Variants in ZKSCAN2 observed in about 807,000 individuals in gnomAD.
ZKSCAN2 encodes the protein zinc finger protein with KRAB and SCAN domains 2.
A neutral mutation model predicts 90.5 loss-of-function variants in ZKSCAN2; 38 were observed. The observed-to-expected ratio is 0.42, with a 90% CI of 0.32 to 0.55. The LOEUF (loss-of-function observed/expected upper bound fraction) is 0.55, where lower values mean the gene tolerates loss of function less well. Ranked by LOEUF, ZKSCAN2 falls within the 20% of genes least tolerant of loss-of-function variation. The probability of loss-of-function intolerance (pLI) is 0.11; values close to 1 mark genes in which losing one functional copy is unlikely to be tolerated. For synonymous variants in ZKSCAN2, 429 were observed against 421.6 expected, an observed-to-expected ratio of 1.02 and a Z score of -0.22; for missense variants, 1,167 against 1,202.6, an observed-to-expected ratio of 0.97 and a Z score of 0.44.
chr16:25,236,680 T>C lies in ZKSCAN2; in HGVS notation c.*3136A>G, dbSNP rs1329574555. ...ACCAAGGCCAGGCTGCCCTGAGCCA[T>C]TTACGTGTGAGGTTTCCCTTTTTAA... On this transcript the variant is annotated 3_prime_UTR_variant, in exon 7 of 7. Coordinates refer to ENST00000328086, the MANE Select transcript of ZKSCAN2 (RefSeq NM_001012981.5). 1 of 152,182 alleles carries C rather than the reference T, an allele frequency of 6.6e-6. No homozygotes were observed. Among genetic ancestry groups the C allele is most frequent in the Non-Finnish European group, 1.5e-5 (1 of 68,032 alleles). 9.4% of individuals were successfully genotyped at this position (152,182 alleles called of 1,614,324 possible). A position where few individuals can be genotyped will look rare whatever the true frequency, so the allele number is the denominator to read the frequency against.
At chr16:25,249,970 A>C (rs753804363) in intron 4 of ZKSCAN2, among the ~76,000 whole-genome samples, 1 of 152,196 alleles carries the variant, frequency 6.6e-6, no homozygotes, top group Non-Finnish European at 1.5e-5. Context: ...AATATTGAAA[A>C]TGTGAAAATA....
Position 25,236,158 on chromosome 16 carries a change from A to C in ZKSCAN2, c.*3658T>G, listed in dbSNP as rs1457058514. 1 of 152,248 alleles carries C rather than the reference A, an allele frequency of 6.6e-6. No individual in the cohort carries two copies. Among genetic ancestry groups the C allele is most frequent in the African/African-American group, 2.4e-5 (1 of 41,458 alleles). 9.4% of individuals were successfully genotyped at this position (152,248 alleles called of 1,614,324 possible). ...TTCAGAGGCAGAGGCTTCCAGTTTC[A>C]CAAGTTACTCAGACATTCCTTTAGC... On this transcript the variant is annotated 3_prime_UTR_variant, in exon 7 of 7. Transcript: ENST00000328086.
At chr16:25,256,075 A>G (rs950996648) in intron 1 of ZKSCAN2, among the ~76,000 whole-genome samples, 2 of 152,178 alleles carry the variant, frequency 1.3e-5, no homozygotes, top group African/African-American at 4.8e-5. Context: ...TCCCTGACCA[A>G]TACAGCAACC....
Position 25,246,783 on chromosome 16 carries a change from A to G in ZKSCAN2, c.1413T>C (p.Asp471=). The G allele has an allele frequency of 6.2e-7, 1 of 1,614,198 alleles. No individual in the cohort carries two copies. Among genetic ancestry groups the G allele is most frequent in the Non-Finnish European group, 8.5e-7 (1 of 1,180,036 alleles). The stretch of plus-strand genomic sequence containing the variant: ...TAAATTCGATGCCTATTTCATCATC[A>G]TCAGAATCTTCTGCAGCTTCCTCCT... ...VEEEEAAEDS[D]DDEIGIEFIR... is the part of the protein sequence containing the mutation. The change falls in exon 5 of 7, where the codon GAT becomes GAC. Residue 471 remains aspartate (D), a synonymous_variant. Transcript: ENST00000328086.
intron 6 of ZKSCAN2, 122 bp downstream of exon 6, chr16:25,243,663 C>T (rs1962886350): frequency 8.1e-7 from 1 of 1,228,528 alleles, no homozygotes; most frequent in Admixed American, 2.3e-5. Flanking sequence ...TCAAGTAGCA[C>T]AGGCACTCAA....
In ZKSCAN2 at chr16:25,239,761, A is replaced by G. The variant is rs112185659; in HGVS notation, c.*55T>C. The G allele has an allele frequency of 2.8e-6, 4 of 1,439,170 alleles. No homozygotes were observed. Among genetic ancestry groups the G allele is most frequent in the African/African-American group, 2.9e-5 (2 of 70,114 alleles). 89.2% of individuals were successfully genotyped at this position (1,439,170 alleles called of 1,614,324 possible). A position where few individuals can be genotyped will look rare whatever the true frequency, so the allele number is the denominator to read the frequency against. ...CATAGCTAAGAAAAGATTGCTTCCA[A>G]GAATGAGATTAGGGTAAAATGGCTA... is the stretch of plus-strand genomic sequence containing the variant. On this transcript the variant is annotated 3_prime_UTR_variant, in exon 7 of 7. Coordinates refer to ENST00000328086, the MANE Select transcript of ZKSCAN2 (RefSeq NM_001012981.5).
chr16:25,248,668 A>T (rs1962974340), intron 4 of ZKSCAN2, among the ~76,000 whole-genome samples: 1 of 152,230 alleles, frequency 6.6e-6, no homozygotes, highest in Non-Finnish European at 1.5e-5. Flanking sequence ...GTTGGTGAGA[A>T]GAAAATGAAA....
At chr16:25,248,410 C>G (rs11641832) in intron 4 of ZKSCAN2, among the ~76,000 whole-genome samples, 1 of 150,220 alleles carries the variant, frequency 6.7e-6, no homozygotes, top group Non-Finnish European at 1.5e-5. Flanking sequence ...GGGTCAATAA[C>G]TAAAATATAC....
Position 25,246,728 on chromosome 16 carries a change from C to T in ZKSCAN2, c.1468G>A (p.Val490Ile). The T allele has an allele frequency of 6.2e-7, 1 of 1,614,194 alleles. No individual in the cohort carries two copies. The highest frequency in any genetic ancestry group is 8.5e-7 in the Non-Finnish European group (1 of 1,180,018). The change falls in exon 5 of 7, where the codon GTC (valine) becomes ATC (isoleucine). Residue 490 changes from valine to isoleucine, a missense_variant. Transcript: ENST00000328086. ...TTACCACTGAGATTCTGAAACAAGA[C>T]AGGGGCACCATGGATTTCAGACTTG... ...IRKSEIHGAP[V>I]LFQNLSGVHW...
chr16:25,239,190 G>C lies in ZKSCAN2; in HGVS notation c.*626C>G, dbSNP rs1319061264. The C allele has an allele frequency of 6.6e-6, 1 of 152,270 alleles. No homozygotes were observed. Among genetic ancestry groups the C allele is most frequent in the Admixed American group, 6.6e-5 (1 of 15,234 alleles). The allele number at this position is 152,270 out of a possible 1,614,324, so 9.4% of individuals were successfully genotyped here. On this transcript the variant is annotated 3_prime_UTR_variant, in exon 7 of 7. Transcript: ENST00000328086. ...TCAATTGCTTCTCACCTCCATGGAG[G>C]GCAAGGCATTAGTAACAGGATTTCA... is the stretch of plus-strand genomic sequence containing the variant.
intron 6 of ZKSCAN2, among the ~76,000 whole-genome samples, chr16:25,243,366 C>T (rs1375713998): frequency 2.6e-5 from 4 of 152,196 alleles, no homozygotes; most frequent in African/African-American, 7.2e-5. Context: ...CTCACTCTAT[C>T]ACCCAGGCTG....
intron 1 of ZKSCAN2, 91 bp from the exon 2 acceptor site, chr16:25,255,483 G>A (rs1963087297): frequency 9.5e-6 from 13 of 1,362,832 alleles, no homozygotes; most frequent in Admixed American, 2.7e-5. Context: ...GAAGGACAGA[G>A]ACATGAGAAG....
chr16:25,252,272 A>C (rs1267150246), intron 3 of ZKSCAN2, among the ~76,000 whole-genome samples: 1 of 152,218 alleles, frequency 6.6e-6, no homozygotes, highest in Non-Finnish European at 1.5e-5. Context: ...GAAAAGGAAT[A>C]AGGGGGAAAT....
At chr16:25,242,801 G>T (rs952152175) in intron 6 of ZKSCAN2, among the ~76,000 whole-genome samples, 2 of 152,236 alleles carry the variant, frequency 1.3e-5, no homozygotes, top group African/African-American at 2.4e-5. Flanking sequence ...ATAAAAGTGT[G>T]GGTGGAGAAA....
chr16:25,239,527 G>A lies in ZKSCAN2; in HGVS notation c.*289C>T, dbSNP rs958567392. ...CATATGGAAGATCTTGAATGTTGCC[G>A]AACTTAGCAATCCAGTTGCAGTGGC... On this transcript the variant is annotated 3_prime_UTR_variant, in exon 7 of 7. Coordinates refer to ENST00000328086, the MANE Select transcript of ZKSCAN2 (RefSeq NM_001012981.5). The A allele has an allele frequency of 4.9e-5, 13 of 267,970 alleles. No homozygotes were observed. The highest frequency in any genetic ancestry group is 7.1e-5 in the Non-Finnish European group (10 of 141,394). The allele number at this position is 267,970 out of a possible 1,614,324, so 16.6% of individuals were successfully genotyped here. A position where few individuals can be genotyped will look rare whatever the true frequency, so the allele number is the denominator to read the frequency against.
At chr16:25,251,469 G>A (rs1010353511) in intron 4 of ZKSCAN2, among the ~76,000 whole-genome samples, 1 of 152,084 alleles carries the variant, frequency 6.6e-6, no homozygotes, top group Non-Finnish European at 1.5e-5. Flanking sequence ...ATTTTGGTGA[G>A]GTTAATAGGA....
chr16:25,238,602 T>C lies in ZKSCAN2; in HGVS notation c.*1214A>G, dbSNP rs1216326604. 1.3e-5 allele frequency: 2 copies of C among 152,220 alleles called. No homozygotes were observed. The highest frequency in any genetic ancestry group is 2.4e-5 in the African/African-American group (1 of 41,460). The allele number at this position is 152,220 out of a possible 1,614,324, so 9.4% of individuals were successfully genotyped here. ...TTCCCACTTTTCACCCAGTGAGCTC[T>C]AGAGTTGTGTTAAGTTACTTGGCAC... On this transcript the variant is annotated 3_prime_UTR_variant, in exon 7 of 7. Transcript: ENST00000328086.
chr16:25,257,399 T>C lies in ZKSCAN2; in HGVS notation c.-272A>G, dbSNP rs980434695. The C allele has an allele frequency of 1.8e-5, 21 of 1,163,054 alleles. No homozygotes were observed. Among genetic ancestry groups the C allele is most frequent in the Admixed American group, 4.6e-5 (1 of 21,712 alleles). 72.0% of individuals were successfully genotyped at this position (1,163,054 alleles called of 1,614,324 possible). On this transcript the variant is annotated 5_prime_UTR_variant, in exon 1 of 7. Coordinates refer to ENST00000328086, the MANE Select transcript of ZKSCAN2 (RefSeq NM_001012981.5). Reference sequence around the variant, plus strand: ...GTTTTCCAGAGTGCATCCCTCTTAGTGCAAAGTCGGAAACCGGGAGGCTGG... The same window carrying C: ...GTTTTCCAGAGTGCATCCCTCTTAGCGCAAAGTCGGAAACCGGGAGGCTGG...
rs763370059 is a variant in ZKSCAN2 at position 25,237,959 on chromosome 16, A to G, written c.*1857T>C. 11 of 152,286 alleles carry G rather than the reference A, an allele frequency of 7.2e-5. No homozygotes were observed. The highest frequency in any genetic ancestry group is 4.6e-4 in the Admixed American group (7 of 15,292). 9.4% of individuals were successfully genotyped at this position (152,286 alleles called of 1,614,324 possible). On this transcript the variant is annotated 3_prime_UTR_variant, in exon 7 of 7. Coordinates refer to ENST00000328086, the MANE Select transcript of ZKSCAN2 (RefSeq NM_001012981.5). ...GAACTGTACTTAGCATTAGAAATCTATAACTTGGACAACACAGAAAAATCA... is the reference window on the plus strand; with the variant it reads ...GAACTGTACTTAGCATTAGAAATCTGTAACTTGGACAACACAGAAAAATCA...
Sources: gnomAD v4.1 joint callset for allele counts (sites outside exome capture counted in the v4.1 genomes callset) on GRCh38, gnomAD v4.1.1 for gene constraint, MANE v1.5 for transcripts, NCBI Gene and HGNC (gene_info 2026-07-23, HGNC 2026-07-21) for gene names.